Variants in SLC9A9 observed in about 807,000 individuals in gnomAD.
SLC9A9 encodes sodium/hydrogen exchanger 9.
In SLC9A9, 62 loss-of-function variants were observed where a neutral mutation model predicts 77.8. The observed-to-expected ratio is 0.80, with a 90% CI of 0.65 to 0.98. The LOEUF (loss-of-function observed/expected upper bound fraction) is 0.98. Among genes scored for constraint, SLC9A9 ranks in the 50% least tolerant of loss-of-function variants. SLC9A9 has a pLI of 0.00. For synonymous variants in SLC9A9, 320 were observed against 283.5 expected (o/e 1.13, Z -1.29); for missense variants, 775 against 774.9 (o/e 1.00, Z 0.00).
intron 8 of SLC9A9, among the ~76,000 whole-genome samples, chr3:143,559,100 G>A (rs1178648516): frequency 6.6e-6 from 1 of 152,114 alleles, no homozygotes; most frequent in African/African-American, 2.4e-5. Context: ...GAGAAGAGGT[G>A]CCTTCCGCTA....
At chr3:143,406,197 T>A (rs1485879763) in intron 12 of SLC9A9, among the ~76,000 whole-genome samples, 1 of 152,222 alleles carries the variant, frequency 6.6e-6, no homozygotes, top group Non-Finnish European at 1.5e-5. Flanking sequence ...TACTTGTAAG[T>A]AAGTATTGAT....
chr3:143,491,130 T>C (rs1226000957), intron 11 of SLC9A9, among the ~76,000 whole-genome samples: 2 of 152,176 alleles, frequency 1.3e-5, no homozygotes, highest in African/African-American at 4.8e-5. Context: ...GCAGATGATA[T>C]GGATGCTCAG....
chr3:143,467,241 C>A (rs188405069), intron 11 of SLC9A9, 51 bp from the exon 12 acceptor site: 2 of 1,607,278 alleles, frequency 1.2e-6, no homozygotes, highest in Admixed American at 1.7e-5. Context: ...GTGTCTTTTT[C>A]ATTTCAATGG....
At chr3:143,746,264 T>C (rs1039606955) in intron 4 of SLC9A9, among the ~76,000 whole-genome samples, 2 of 152,052 alleles carry the variant, frequency 1.3e-5, no homozygotes, top group African/African-American at 4.8e-5. Flanking sequence ...TAAACTAGAG[T>C]TGGGGAAGTT....
At chr3:143,823,281 T>C (rs966116246) in intron 2 of SLC9A9, among the ~76,000 whole-genome samples, 7 of 151,998 alleles carry the variant, frequency 4.6e-5, no homozygotes, top group African/African-American at 1.7e-4. Context: ...TAGAAGTAAA[T>C]ATTAACTTAC....
intron 12 of SLC9A9, among the ~76,000 whole-genome samples, chr3:143,451,445 TAC>T (rs772586202): frequency 6.6e-6 from 1 of 152,188 alleles, no homozygotes; most frequent in Admixed American, 6.5e-5. Context: ...TTTTGGATTT[TAC>T]ACAGTCATTT....
At chr3:143,722,350 G>A (rs1934524321) in intron 4 of SLC9A9, among the ~76,000 whole-genome samples, 1 of 151,392 alleles carries the variant, frequency 6.6e-6, no homozygotes, top group Non-Finnish European at 1.5e-5. Context: ...GCGGGCACCT[G>A]TAGTCCCAGT....
chr3:143,267,460 C>T (rs1447548654), intron 15 of SLC9A9, among the ~76,000 whole-genome samples: 3 of 151,166 alleles, frequency 2.0e-5, no homozygotes, highest in African/African-American at 7.4e-5. Context: ...AGTGATTCCC[C>T]TGCTTCAGCC....
chr3:143,341,164 G>C (rs1265859154), intron 14 of SLC9A9, among the ~76,000 whole-genome samples: 1 of 152,088 alleles, frequency 6.6e-6, no homozygotes, highest in Non-Finnish European at 1.5e-5. Context: ...CATTAATTTG[G>C]TGTGATCGGG....
intron 6 of SLC9A9, among the ~76,000 whole-genome samples, chr3:143,650,966 C>T (rs1311184132): frequency 6.6e-6 from 1 of 152,152 alleles, no homozygotes; most frequent in East Asian, 1.9e-4. Context: ...CAAACCTTTC[C>T]TGGTTGTGTC....
chr3:143,824,925 C>T (rs1576754128), intron 2 of SLC9A9, among the ~76,000 whole-genome samples: 1 of 152,294 alleles, frequency 6.6e-6, no homozygotes, highest in Non-Finnish European at 1.5e-5. Flanking sequence ...AAAGGAGCTG[C>T]ATCCGCCCAA....
intron 12 of SLC9A9, among the ~76,000 whole-genome samples, chr3:143,449,644 A>AAAATAATTATATAAAATATAATAATT (rs2034939965): frequency 9.4e-5 from 1 of 10,652 alleles, no homozygotes; most frequent in East Asian, 0.083. Flanking sequence ...ATAATTATAT[A>AAAATAATTATATAAAATATAATAATT]ATATAATTAT....
chr3:143,697,071 A>G (rs1933662562), intron 4 of SLC9A9, among the ~76,000 whole-genome samples: 1 of 151,884 alleles, frequency 6.6e-6, no homozygotes. Context: ...CTACATGTCA[A>G]ATGAATGAAT....
At chr3:143,439,647 A>G (rs192399054) in intron 12 of SLC9A9, among the ~76,000 whole-genome samples, 494 of 152,240 alleles carry the variant, frequency 3.2e-3, no homozygotes, top group Non-Finnish European at 5.1e-3. Flanking sequence ...TTATCCCTTT[A>G]GTTAGGGGCC....
chr3:143,818,722 T>C (rs552997963), intron 2 of SLC9A9, among the ~76,000 whole-genome samples: 12 of 151,960 alleles, frequency 7.9e-5, no homozygotes, highest in Non-Finnish European at 1.5e-4. Context: ...TTTTCAAAAA[T>C]TACTGGAAGT....
intron 11 of SLC9A9, among the ~76,000 whole-genome samples, chr3:143,469,503 A>AAT (rs1338432519): frequency 3.9e-5 from 6 of 152,252 alleles, no homozygotes; most frequent in Non-Finnish European, 5.9e-5. Context: ...TAGGTTTCTA[A>AAT]ATTTCTAAAT....
intron 9 of SLC9A9, chr3:143,517,921 AT>A: frequency 6.7e-7 from 1 of 1,499,966 alleles, no homozygotes; most frequent in Non-Finnish European, 9.2e-7. Flanking sequence ...TTATCTCCGC[AT>A]TTTCATCTCC....
chr3:143,582,175 C>A (rs1458081381), intron 6 of SLC9A9, among the ~76,000 whole-genome samples: 1 of 152,158 alleles, frequency 6.6e-6, no homozygotes, highest in African/African-American at 2.4e-5. Context: ...TCAATCTAAT[C>A]TTGAAACTGA....
intron 6 of SLC9A9, among the ~76,000 whole-genome samples, chr3:143,647,241 A>T (rs940124664): frequency 6.6e-6 from 1 of 152,242 alleles, no homozygotes; most frequent in Non-Finnish European, 1.5e-5. Context: ...GTAAATAATG[A>T]ATTAGGTATA....
Sources: gnomAD v4.1 joint callset for allele counts (sites outside exome capture counted in the v4.1 genomes callset) on GRCh38, gnomAD v4.1.1 for gene constraint, MANE v1.5 for transcripts, NCBI Gene and HGNC (gene_info 2026-07-23, HGNC 2026-07-21) for gene names.